The following TOPBP1 variants were observed in gnomAD, a reference collection of about 807,000 sequenced individuals.
TOPBP1 encodes the protein DNA topoisomerase 2-binding protein 1.
TOPBP1 carries 28 observed loss-of-function variants against 167.7 expected under a neutral mutation model. The ratio of observed to expected loss-of-function variants is 0.17; its 90% CI spans 0.12 to 0.23. TOPBP1 has a LOEUF of 0.23. TOPBP1 is among the 10% of genes least tolerant of loss of function. TOPBP1 has a pLI of 1.00. For missense variants in TOPBP1, 1,554 were observed against 1,809.6 expected (o/e 0.86, Z 2.56); for synonymous variants, 598 against 611.4 (o/e 0.98, Z 0.32).
chr3:133,634,795 C>T (rs1935612788), intron 14 of TOPBP1, among the ~76,000 whole-genome samples: 2 of 152,166 alleles, frequency 1.3e-5, no homozygotes, highest in South Asian at 2.1e-4. Flanking sequence ...CGTGTGTACA[C>T]ACAGATTCCT....
chr3:133,645,137 T>A (rs1936032387), intron 10 of TOPBP1, among the ~76,000 whole-genome samples: 1 of 152,200 alleles, frequency 6.6e-6, no homozygotes, highest in South Asian at 2.1e-4. Flanking sequence ...ACTTCTATCC[T>A]CATCTCCAAC....
intron 23 of TOPBP1, among the ~76,000 whole-genome samples, chr3:133,614,988 A>T (rs943539111): frequency 1.1e-4 from 17 of 151,774 alleles, no homozygotes; most frequent in African/African-American, 2.2e-4. Flanking sequence ...ATAATAATAA[A>T]AAAATAAAAA....
intron 14 of TOPBP1, among the ~76,000 whole-genome samples, chr3:133,634,925 G>T (rs1402601989): frequency 1.3e-5 from 2 of 152,150 alleles, no homozygotes; most frequent in African/African-American, 4.8e-5. Flanking sequence ...GGTGGGGTCT[G>T]TGGGTTGAAA....
chr3:133,617,775 G>C (rs944248971), intron 21 of TOPBP1, among the ~76,000 whole-genome samples: 3 of 151,964 alleles, frequency 2.0e-5, no homozygotes, highest in Admixed American at 6.6e-5. Flanking sequence ...TGTTTTTAAG[G>C]TAAAGCTCAA....
intron 14 of TOPBP1, among the ~76,000 whole-genome samples, chr3:133,628,966 T>C (rs1935369627): frequency 6.6e-6 from 1 of 152,190 alleles, no homozygotes; most frequent in Non-Finnish European, 1.5e-5. Flanking sequence ...AATTCCATAC[T>C]GTCCAGCAAA....
At chr3:133,635,614 A>G (rs1201867025) in intron 14 of TOPBP1, among the ~76,000 whole-genome samples, 2 of 152,232 alleles carry the variant, frequency 1.3e-5, no homozygotes, top group East Asian at 3.8e-4. Flanking sequence ...TGAAGTAAAA[A>G]GTGAAATAAA....
At chr3:133,642,783 T>C (rs1460261076) in intron 12 of TOPBP1, among the ~76,000 whole-genome samples, 1 of 152,232 alleles carries the variant, frequency 6.6e-6, no homozygotes, top group Non-Finnish European at 1.5e-5. Flanking sequence ...CTTTGTCGTA[T>C]CCACTATCAT....
chr3:133,636,065 A>G (rs1011219132), intron 14 of TOPBP1, among the ~76,000 whole-genome samples: 1 of 90,534 alleles, frequency 1.1e-5, no homozygotes, highest in Non-Finnish European at 2.4e-5. Flanking sequence ...AAAAACAAGC[A>G]TAACAAAACT....
Position 133,620,272 on chromosome 3 carries a change from A to T in TOPBP1, c.3254T>A (p.Val1085Glu). ...LQEIMSATSI[V>E]KPQGQRTSLS... The stretch of plus-strand genomic sequence containing the variant: ...GGAAGTCCTCTGCCCTTGGGGTTTC[A>T]CTATTGATGTTGCAGACATTATCTC... The change falls in exon 20 of 28, where the codon GTG becomes GAG. Residue 1085 changes from valine to glutamate, a missense_variant. By Grantham distance (121) the Val-to-Glu change is moderately radical (BLOSUM62 -2). Transcript: ENST00000260810. The T allele has an allele frequency of 1.2e-6, 2 of 1,613,974 alleles. No homozygotes were observed. The highest frequency in any genetic ancestry group is 1.7e-6 in the Non-Finnish European group (2 of 1,179,890).
In TOPBP1 at chr3:133,608,520, TAGAA is replaced by T; in HGVS notation, c.4425+11_4425+14del. 1 of 1,612,790 alleles carries T rather than the reference TAGAA, an allele frequency of 6.2e-7. No homozygotes were observed. The highest frequency in any genetic ancestry group is 1.1e-5 in the South Asian group (1 of 90,940). Reference sequence around the variant, plus strand: ...TCTCTGGTAATGAGGAGGTCAAGGATAGAATCTCACAAACCTGCATGAGATAATC... The same window carrying T: ...TCTCTGGTAATGAGGAGGTCAAGGATTCTCACAAACCTGCATGAGATAATC... On this transcript the variant is annotated intron_variant, in intron 27 of 27. Transcript: ENST00000260810.
intron 12 of TOPBP1, among the ~76,000 whole-genome samples, chr3:133,642,186 G>A (rs958867456): frequency 9.9e-5 from 15 of 151,670 alleles, no homozygotes; most frequent in Non-Finnish European, 1.9e-4. Flanking sequence ...AAATAGAGAC[G>A]AGGTCTCACT....
In TOPBP1 at chr3:133,659,080, T is replaced by C. The variant is rs1260407970; in HGVS notation, c.155A>G (p.Glu52Gly). ...ACAGATATAAAGTGATCTATCATTCTCCTTTATCTTCAATGCCTCTTCTTC... is the reference window on the plus strand; with the variant it reads ...ACAGATATAAAGTGATCTATCATTCCCCTTTATCTTCAATGCCTCTTCTTC... ...ITEEEALKIK[E>G]NDRSLYICDP... is the part of the protein sequence containing the mutation. Residue 52 changes from glutamate (E) to glycine (G), a missense_variant, in exon 3 of 28, where the codon GAG (glutamate) becomes GGG (glycine). Physicochemically the swap from Glu to Gly is moderately conservative, Grantham distance 98. This residue lies in a region of TOPBP1 where 1,197 missense variants were observed against 1,351.5 expected (regional missense o/e 0.89). Coordinates refer to ENST00000260810, the MANE Select transcript of TOPBP1 (RefSeq NM_007027.4). The C allele has an allele frequency of 3.8e-6, 6 of 1,593,030 alleles. No individual in the cohort carries two copies. Among genetic ancestry groups the C allele is most frequent in the Middle Eastern group, 1.7e-4 (1 of 6,036 alleles).
chr3:133,652,554 A>G lies in TOPBP1; in HGVS notation c.998T>C (p.Leu333Pro). Reference sequence around the variant, plus strand: ...AAGTGTAGGCTCCAGTTTGCTGTTAAGTGAATTACATATTGATTCACTTAC... The same window carrying G: ...AAGTGTAGGCTCCAGTTTGCTGTTAGGTGAATTACATATTGATTCACTTAC... Reference protein sequence around the residue: ...SCVSESICNSLNSKLEPTLEN... With the variant: ...SCVSESICNSPNSKLEPTLEN... The change falls in exon 8 of 28, where the codon CTT becomes CCT. Residue 333 changes from leucine (L) to proline (P), a missense_variant. Coordinates refer to ENST00000260810, the MANE Select transcript of TOPBP1 (RefSeq NM_007027.4). 2.5e-6 allele frequency: 4 copies of G among 1,612,172 alleles called. No individual in the cohort carries two copies. The highest frequency in any genetic ancestry group is 3.4e-6 in the Non-Finnish European group (4 of 1,179,852).
chr3:133,653,398 G>A lies in TOPBP1; in HGVS notation c.869C>T (p.Ala290Val). 1.2e-6 allele frequency: 2 copies of A among 1,612,212 alleles called. No individual in the cohort carries two copies. Among genetic ancestry groups the A allele is most frequent in the Non-Finnish European group, 8.5e-7 (1 of 1,179,372 alleles). Residue 290 changes from alanine (A) to valine (V), a missense_variant, in exon 7 of 28, where the codon GCA becomes GTA. Physicochemically the swap from Ala to Val is moderately conservative, Grantham distance 64. Transcript: ENST00000260810. ...SIYKTEPRPE[A>V]KTMPNSSTPT... ...AGTTGAAGAATTGGGCATAGTCTTT[G>A]CTTCTGGTCTAGGTTCTGTCTTGTA...
chr3:133,615,023 G>T (rs188854084), intron 23 of TOPBP1, among the ~76,000 whole-genome samples: 2 of 146,916 alleles, frequency 1.4e-5, no homozygotes, highest in Non-Finnish European at 3.0e-5. Flanking sequence ...AGCTTCACCC[G>T]CAAAAAAAAG....
At chr3:133,642,746 T>A (rs746023963) in intron 12 of TOPBP1, among the ~76,000 whole-genome samples, 4 of 152,222 alleles carry the variant, frequency 2.6e-5, no homozygotes, top group Non-Finnish European at 4.4e-5. Context: ...ATTTATTTGT[T>A]TGTTGAAACA....
At chr3:133,603,790 A>C in intron 27 of TOPBP1, among the ~76,000 whole-genome samples, 1 of 151,940 alleles carries the variant, frequency 6.6e-6, no homozygotes, top group East Asian at 1.9e-4. Context: ...AAACAAAAAA[A>C]CCCACATACA....
intron 16 of TOPBP1, among the ~76,000 whole-genome samples, chr3:133,626,104 T>C (rs931734389): frequency 2.0e-5 from 3 of 152,204 alleles, no homozygotes; most frequent in African/African-American, 7.2e-5. Flanking sequence ...GTAAATATTT[T>C]AGACTTTGCA....
intron 23 of TOPBP1, among the ~76,000 whole-genome samples, chr3:133,616,122 C>CA (rs1934864799): frequency 7.1e-6 from 1 of 141,280 alleles, no homozygotes; most frequent in Non-Finnish European, 1.5e-5. Context: ...TTTCTTTTCC[C>CA]TTTTTTTTTT....
Sources: gnomAD v4.1 joint callset for allele counts (sites outside exome capture counted in the v4.1 genomes callset) on GRCh38, gnomAD v4.1.1 for gene constraint, gnomAD v4.1.1 regional missense constraint, MANE v1.5 for transcripts, NCBI Gene and HGNC (gene_info 2026-07-23, HGNC 2026-07-21) for gene names.